The following VWA8 variants were observed in gnomAD, a reference collection of about 807,000 sequenced individuals.
The protein encoded by VWA8 is von Willebrand factor A domain-containing protein 8.
In VWA8, 221 loss-of-function variants were observed where a neutral mutation model predicts 241.5. That is an observed-to-expected ratio of 0.91 (90% CI 0.82 to 1.02). The LOEUF is 1.02. Ranked by LOEUF, VWA8 falls within the 50% of genes least tolerant of loss-of-function variation. The probability of loss-of-function intolerance (pLI) is 0.00; values close to 1 mark genes in which losing one functional copy is unlikely to be tolerated. For missense variants in VWA8, 2,322 were observed against 2,328.7 expected (o/e 1.00, Z 0.06); for synonymous variants, 852 against 827.1 (o/e 1.03, Z -0.52).
At chr13:41,707,056 T>C (rs1394937313) in intron 26 of VWA8, among the ~76,000 whole-genome samples, 1 of 152,218 alleles carries the variant, frequency 6.6e-6, no homozygotes. Flanking sequence ...AAGTAAAAGT[T>C]TGGACTAAAA....
At chr13:41,581,463 CT>C (rs1353775747) in intron 42 of VWA8, among the ~76,000 whole-genome samples, 1 of 152,154 alleles carries the variant, frequency 6.6e-6, no homozygotes, top group Non-Finnish European at 1.5e-5. Context: ...GGAACCCTTC[CT>C]TCAAATGAAA....
chr13:41,959,493 C>CAA (rs59960898), intron 1 of VWA8, among the ~76,000 whole-genome samples: 2,827 of 76,372 alleles, frequency 0.037, 71 homozygotes, highest in East Asian at 0.12. Flanking sequence ...TGAGAAAAAG[C>CAA]AAAAAAAAAA....
At chr13:41,806,846 C>G (rs1310694360) in intron 17 of VWA8, among the ~76,000 whole-genome samples, 1 of 151,108 alleles carries the variant, frequency 6.6e-6, no homozygotes, top group Non-Finnish European at 1.5e-5. Context: ...CCACTGCACT[C>G]CAGTCTGGCA....
At chr13:41,804,605 C>T (rs1410982489) in intron 17 of VWA8, among the ~76,000 whole-genome samples, 3 of 151,624 alleles carry the variant, frequency 2.0e-5, no homozygotes, top group Non-Finnish European at 4.4e-5. Context: ...AGTAAGTATA[C>T]AGAAAAAGAC....
chr13:41,757,256 T>TC (rs2045701006), intron 21 of VWA8, among the ~76,000 whole-genome samples: 2 of 151,706 alleles, frequency 1.3e-5, no homozygotes, highest in Admixed American at 1.3e-4. Context: ...TTCCTATATC[T>TC]CCTATAATAC....
intron 17 of VWA8, among the ~76,000 whole-genome samples, chr13:41,801,473 T>C (rs1184154716): frequency 6.6e-6 from 1 of 152,164 alleles, no homozygotes; most frequent in African/African-American, 2.4e-5. Flanking sequence ...CTCCTTTAAT[T>C]CCTTTTATCA....
At chr13:41,828,518 AT>A (rs1251266952) in intron 14 of VWA8, among the ~76,000 whole-genome samples, 3 of 152,220 alleles carry the variant, frequency 2.0e-5, no homozygotes, top group African/African-American at 7.2e-5. Flanking sequence ...TTGTTTTGAA[AT>A]TTTTTTAACT....
chr13:41,570,674 A>G lies in VWA8; in HGVS notation c.5403T>C (p.Ser1801=). The change falls in exon 44 of 45, where the codon AGT becomes AGC. Residue 1801 remains serine (S), a synonymous_variant. Coordinates refer to ENST00000379310, the MANE Select transcript of VWA8 (RefSeq NM_015058.2). ...TMHAHSQFCM[S]GDHTLEGTEH... is the part of the protein sequence containing the mutation. ...CTGTCCCTTCTAACGTGTGGTCCCC[A>G]CTCATGCAGAACTGAGAGTGGGCAT... is the stretch of plus-strand genomic sequence containing the variant. 1.2e-6 allele frequency: 2 copies of G among 1,614,220 alleles called. No individual in the cohort carries two copies. The highest frequency in any genetic ancestry group is 2.2e-5 in the South Asian group (2 of 91,092).
At position 41,763,480 on chromosome 13, in the gene VWA8, C is replaced by T. The variant is rs1032827415; in HGVS notation, c.2350-2276G>A. On this transcript the variant is annotated intron_variant, in intron 20 of 44. Coordinates refer to ENST00000379310, the MANE Select transcript of VWA8 (RefSeq NM_015058.2). ...TCATTTCATCTTCTAGGAATCTTTT[C>T]AGTACCTAATTGGATTTCACCCAAA... Among the ~76,000 whole-genome samples the T allele has an allele frequency of 3.3e-5, 5 of 152,076 alleles. No homozygotes were observed. The East Asian group carries it at 7.7e-4, about 23-fold the overall frequency.
At chr13:41,765,430 T>C (rs2045772826) in intron 20 of VWA8, among the ~76,000 whole-genome samples, 1 of 152,236 alleles carries the variant, frequency 6.6e-6, no homozygotes, top group Non-Finnish European at 1.5e-5. Flanking sequence ...TACTTCATTT[T>C]AAGAAGCTCT....
At chr13:41,751,693 C>T (rs1289870379) in intron 21 of VWA8, among the ~76,000 whole-genome samples, 5 of 151,994 alleles carry the variant, frequency 3.3e-5, no homozygotes, top group African/African-American at 9.7e-5. Context: ...ATTTGCTAAA[C>T]GGTTTACTTC....
intron 18 of VWA8, among the ~76,000 whole-genome samples, chr13:41,785,836 T>C (rs898610262): frequency 1.3e-5 from 2 of 152,136 alleles, no homozygotes; most frequent in African/African-American, 2.4e-5. Flanking sequence ...GATATGGCAG[T>C]GAATCTACTA....
chr13:41,911,062 CTTTTTTTTT>C (rs5803108), intron 3 of VWA8, among the ~76,000 whole-genome samples: 2 of 97,980 alleles, frequency 2.0e-5, no homozygotes, highest in East Asian at 3.5e-4. Flanking sequence ...CATTTTCTTT[CTTTTTTTTT>C]TTTTTTTTTT....
Position 41,667,359 on chromosome 13 carries a change from T to C in VWA8, c.4611+3587A>G, listed in dbSNP as rs573463906. ...TAGTTATCTTTTCCATGTATTTCTT[T>C]CTATGCCTCACTCCTTTTTATTTTC... is the stretch of plus-strand genomic sequence containing the variant. On this transcript the variant is annotated intron_variant, in intron 37 of 44. Coordinates refer to ENST00000379310, the MANE Select transcript of VWA8 (RefSeq NM_015058.2). Among the ~76,000 whole-genome samples the C allele has an allele frequency of 2.0e-5, 3 of 152,342 alleles. No individual in the cohort carries two copies. In the South Asian group the frequency reaches 6.2e-4, roughly 32 times the overall value.
chr13:41,722,436 A>G (rs1278160422), intron 24 of VWA8, among the ~76,000 whole-genome samples: 1 of 152,182 alleles, frequency 6.6e-6, no homozygotes, highest in East Asian at 1.9e-4. Context: ...GGTAGCAATA[A>G]GATCTTACTT....
At chr13:41,710,672 T>C (rs1283840277) in intron 26 of VWA8, among the ~76,000 whole-genome samples, 1 of 152,190 alleles carries the variant, frequency 6.6e-6, no homozygotes, top group Non-Finnish European at 1.5e-5. Flanking sequence ...CATGAACTTA[T>C]TTGAAAAAAC....
chr13:41,896,634 T>C (rs1444625707), intron 4 of VWA8, among the ~76,000 whole-genome samples: 1 of 152,078 alleles, frequency 6.6e-6, no homozygotes, highest in African/African-American at 2.4e-5. Context: ...AATACCCCTA[T>C]AAAATGCAAA....
At chr13:41,573,353 G>A (rs2044323409) in intron 43 of VWA8, among the ~76,000 whole-genome samples, 1 of 150,564 alleles carries the variant, frequency 6.6e-6, no homozygotes, top group African/African-American at 2.4e-5. Context: ...GGGAGGAGGA[G>A]GTCGTAGCGG....
chr13:41,785,044 A>T (rs1006872533), intron 18 of VWA8, among the ~76,000 whole-genome samples: 5 of 151,934 alleles, frequency 3.3e-5, no homozygotes, highest in Non-Finnish European at 7.4e-5. Context: ...TATTCCCTAC[A>T]GTAACCAGAT....
Sources: gnomAD v4.1 joint callset for allele counts (sites outside exome capture counted in the v4.1 genomes callset) on GRCh38, gnomAD v4.1.1 for gene constraint, MANE v1.5 for transcripts, NCBI Gene and HGNC (gene_info 2026-07-23, HGNC 2026-07-21) for gene names.